The following C1R variants were observed in gnomAD, a reference collection of about 807,000 sequenced individuals.
C1R encodes complement C1r subcomponent.
C1R carries 15 observed loss-of-function variants against 27.6 expected under a neutral mutation model. The observed-to-expected ratio is 0.54, with a 90% confidence interval of 0.36 to 0.84. The LOEUF (loss-of-function observed/expected upper bound fraction) is 0.84, where lower values mean the gene tolerates loss of function less well. C1R is among the 40% of genes least tolerant of loss of function. The pLI, the probability that C1R is intolerant of heterozygous loss-of-function variation, is 0.01. For missense variants in C1R, 544 were observed against 577.9 expected (o/e 0.94, Z 0.60); for synonymous variants, 253 against 228.8 (o/e 1.11, Z -0.95).
chr12:7,081,441 CGTCATTGGCCTATT>C, intron 10 of C1R, 140 bp from the exon 11 acceptor site: 1 of 710,520 alleles, frequency 1.4e-6, no homozygotes, highest in South Asian at 1.5e-5. Flanking sequence ...CCCACACCTC[CGTCATTGGCCTATT>C]GACAGGCTCT....
intron 3 of C1R, 116 bp from the exon 4 acceptor site, chr12:7,089,849 T>C (rs1259809338): frequency 5.6e-6 from 4 of 713,764 alleles, no homozygotes; most frequent in East Asian, 5.3e-5. Context: ...TTAGGCCACC[T>C]GGACCTCCAG....
chr12:7,085,612 A>G (rs1046669637), intron 9 of C1R, among the ~76,000 whole-genome samples: 1 of 151,844 alleles, frequency 6.6e-6, no homozygotes, highest in African/African-American at 2.4e-5. Flanking sequence ...GGTGGAGGCA[A>G]TGGTGGTAGT....
Position 7,092,435 on chromosome 12 carries a change from G to A in C1R, c.-47C>T, listed in dbSNP as rs773275108. The A allele has an allele frequency of 2.6e-6, 2 of 780,472 alleles. No homozygotes were observed. Among genetic ancestry groups the A allele is most frequent in the African/African-American group, 1.7e-5 (1 of 59,120 alleles). The allele number at this position is 780,472 out of a possible 1,614,324, so 48.3% of individuals were successfully genotyped here. ...CCTGGGCTCTCCCGACAGCGTCTTCGTGCACTGTGTGCAGAGGGAGCCCGC... is the reference window on the plus strand; with the variant it reads ...CCTGGGCTCTCCCGACAGCGTCTTCATGCACTGTGTGCAGAGGGAGCCCGC... On this transcript the variant is annotated 5_prime_UTR_variant, in exon 1 of 11. In the 5' UTR this introduces an upstream ATG that the reference lacks. Coordinates refer to ENST00000647956, the MANE Select transcript of C1R (RefSeq NM_001733.7).
Position 7,080,575 on chromosome 12 carries a change from T to A in C1R, c.2075A>T (p.Asn692Ile). ...RGYGFYTKVL[N>I]YVDWIKKEME... ...CTCTTTCTTGATCCAGTCCACGTAG[T>A]TGAGCACTTTGGTGTAGAAGCCATA... The change falls in exon 11 of 11, where the codon AAC (asparagine) becomes ATC (isoleucine). Residue 692 changes from asparagine (N) to isoleucine (I), a missense_variant. Physicochemically the swap from Asn to Ile is moderately radical, Grantham distance 149. Transcript: ENST00000647956. This position sits in a 1 kb window ranked among gnomAD's most constrained non-coding sequence, Gnocchi z 4.9. 3.1e-6 allele frequency: 5 copies of A among 1,601,342 alleles called. No individual in the cohort carries two copies. Among genetic ancestry groups the A allele is most frequent in the Non-Finnish European group, 4.3e-6 (5 of 1,171,948 alleles).
rs1450922190 is a variant in C1R at position 7,091,306 on chromosome 12, C to A, written c.231+146G>T. The A allele has an allele frequency of 3.1e-6, 2 of 638,478 alleles. No individual in the cohort carries two copies. Among genetic ancestry groups the A allele is most frequent in the Non-Finnish European group, 2.8e-6 (1 of 360,082 alleles). The allele number at this position is 638,478 out of a possible 1,614,324, so 39.6% of individuals were successfully genotyped here. On this transcript the variant is annotated intron_variant, in intron 2 of 10. Transcript: ENST00000647956. This position sits in a 1 kb window ranked among gnomAD's most constrained non-coding sequence, Gnocchi z 5.1. ...GGCCTCTACACCAGTGAGCGCCCAT[C>A]CAGGGCATCCCCGGGCTCTCAGAGA...
intron 3 of C1R, 39 bp downstream of exon 3, chr12:7,090,017 C>A (rs1268022515): frequency 1.4e-6 from 1 of 738,038 alleles, no homozygotes; most frequent in Non-Finnish European, 2.5e-6. Flanking sequence ...TTCAATATGG[C>A]TGAGGTCAGA....
chr12:7,081,667 C>A (rs1199299273), intron 10 of C1R, among the ~76,000 whole-genome samples: 1 of 151,854 alleles, frequency 6.6e-6, no homozygotes, highest in East Asian at 1.9e-4. Flanking sequence ...TAATTTTTCT[C>A]TTTTTAGCAG....
At chr12:7,082,207 CAGGG>C in intron 9 of C1R, 101 bp from the exon 10 acceptor site, 1 of 719,434 alleles carries the variant, frequency 1.4e-6, no homozygotes, top group Non-Finnish European at 2.5e-6. Flanking sequence ...GGGAGAGGGG[CAGGG>C]AGGAGCCAAC....
chr12:7,084,974 G>A (rs1302555918), intron 9 of C1R, among the ~76,000 whole-genome samples: 1 of 149,478 alleles, frequency 6.7e-6, no homozygotes, highest in East Asian at 1.9e-4. Context: ...TGGTGATGGT[G>A]CTGATGATGG....
intron 7 of C1R, among the ~76,000 whole-genome samples, chr12:7,088,300 G>A (rs969942104): frequency 2.0e-5 from 3 of 152,046 alleles, no homozygotes; most frequent in Admixed American, 6.6e-5. Flanking sequence ...GTCTCTGTTG[G>A]GGGCCCTCAT....
intron 8 of C1R, 129 bp from the exon 9 acceptor site, chr12:7,086,145 C>T (rs1938152996): frequency 2.5e-6 from 1 of 397,792 alleles, no homozygotes; most frequent in Non-Finnish European, 4.4e-6. Flanking sequence ...GGGGAGGGCC[C>T]TTGCAATGGA....
chr12:7,085,726 A>G, intron 9 of C1R, 135 bp downstream of exon 9: 1 of 396,634 alleles, frequency 2.5e-6, no homozygotes, highest in African/African-American at 2.1e-5. Context: ...TGTTAGCACT[A>G]TAATTTAGGC....
intron 9 of C1R, among the ~76,000 whole-genome samples, chr12:7,083,645 G>GTGGTGGTGA (rs1591587939): frequency 0.05 from 1 of 20 alleles, no homozygotes; most frequent in East Asian, 0.25. Flanking sequence ...GATGGTGTTG[G>GTGGTGGTGA]TGGTGNNNNN....
chr12:7,089,321 T>G lies in C1R; in HGVS notation c.740A>C (p.Gln247Pro). 1 of 780,552 alleles carries G rather than the reference T, an allele frequency of 1.3e-6. No homozygotes were observed. The highest frequency in any genetic ancestry group is 2.4e-6 in the Non-Finnish European group (1 of 417,916). 48.4% of individuals were successfully genotyped at this position (780,552 alleles called of 1,614,324 possible). ...TAGCTGGTCATAGGGGCAGTGTACTTGCTGGTGGTCATCAATATCAAAAGG... is the reference window on the plus strand; with the variant it reads ...TAGCTGGTCATAGGGGCAGTGTACTGGCTGGTGGTCATCAATATCAAAAGG... ...LEPFDIDDHQ[Q>P]VHCPYDQLQI... Residue 247 changes from glutamine (Q) to proline (P), a missense_variant, in exon 5 of 11, where the codon CAA becomes CCA. Physicochemically the swap from Gln to Pro is moderately conservative, Grantham distance 76. Coordinates refer to ENST00000647956, the MANE Select transcript of C1R (RefSeq NM_001733.7).
At chr12:7,083,636 A>G (rs1449345660) in intron 9 of C1R, among the ~76,000 whole-genome samples, 1 of 93,054 alleles carries the variant, frequency 1.1e-5, no homozygotes, top group Middle Eastern at 7.0e-3. Context: ...AGTGGGGATG[A>G]TGGTGTTGGT....
At position 7,091,598 on chromosome 12, in the gene C1R, C is replaced by T. The variant is rs778987299; in HGVS notation, c.85G>A (p.Val29Met). ...GGCTTGGGGAACAGAGGGGAAGTCACCTCCCCAAATAACTTCTGAGGGATG... is the reference window on the plus strand; with the variant it reads ...GGCTTGGGGAACAGAGGGGAAGTCATCTCCCCAAATAACTTCTGAGGGATG... ...IPIPQKLFGE[V>M]TSPLFPKPYP... The change falls in exon 2 of 11, where the codon GTG becomes ATG. Residue 29 changes from valine (V) to methionine (M), a missense_variant. Around this residue, in one of 2 missense-constraint regions of C1R, gnomAD observed 291 missense variants for 209.0 expected, o/e 1.39. Coordinates refer to ENST00000647956, the MANE Select transcript of C1R (RefSeq NM_001733.7). The surrounding 1 kb of genome is among the most constrained non-coding windows in gnomAD (Gnocchi z 5.1). 2.3e-5 allele frequency: 18 copies of T among 769,582 alleles called. No homozygotes were observed. The highest frequency in any genetic ancestry group is 2.3e-4 in the Middle Eastern group (1 of 4,434). 47.7% of individuals were successfully genotyped at this position (769,582 alleles called of 1,614,324 possible). A position where few individuals can be genotyped will look rare whatever the true frequency, so the allele number is the denominator to read the frequency against.
intron 8 of C1R, 85 bp from the exon 9 acceptor site, chr12:7,086,101 G>A (rs1170265558): frequency 5.0e-6 from 2 of 398,382 alleles, no homozygotes; most frequent in East Asian, 7.1e-5. Context: ...TCTACCTGCA[G>A]AGCAGGCTCA....
At chr12:7,084,821 G>T (rs968230737) in intron 9 of C1R, among the ~76,000 whole-genome samples, 7 of 148,280 alleles carry the variant, frequency 4.7e-5, no homozygotes, top group Non-Finnish European at 7.4e-5. Flanking sequence ...GGTGATAGTG[G>T]TGTTGGTAAT....
At chr12:7,084,769 GGTA>G (rs1938112762) in intron 9 of C1R, among the ~76,000 whole-genome samples, 1 of 150,556 alleles carries the variant, frequency 6.6e-6, no homozygotes. Context: ...TGGTGGTGAT[GGTA>G]GTGTTGGTGT....
Sources: allele counts gnomAD v4.1 joint callset (sites outside exome capture counted in the v4.1 genomes callset), GRCh38; gene constraint gnomAD v4.1.1; regional missense constraint gnomAD v4.1.1; non-coding constraint Gnocchi (gnomAD v3.1); transcripts MANE v1.5; gene names NCBI Gene and HGNC (gene_info 2026-07-23, HGNC 2026-07-21).